The following OGA variants were observed in gnomAD, a reference collection of about 807,000 sequenced individuals.
OGA encodes the protein O-GlcNAcase.
OGA carries 21 observed loss-of-function variants against 102.0 expected under a neutral mutation model. That is an observed-to-expected ratio of 0.21 (90% CI 0.15 to 0.30). The LOEUF (loss-of-function observed/expected upper bound fraction) is 0.30. OGA is among the 10% of genes least tolerant of loss of function. The pLI is 1.00. For synonymous variants in OGA, 408 were observed against 378.2 expected (o/e 1.08, Z -0.91); for missense variants, 765 against 1,107.8 (o/e 0.69, Z 4.39).
chr10:101,817,386 T>C, intron 1 of OGA, among the ~76,000 whole-genome samples: 1 of 152,196 alleles, frequency 6.6e-6, no homozygotes, highest in East Asian at 1.9e-4. Flanking sequence ...AGGCCAAACG[T>C]GCTTCTCTTC....
chr10:101,793,927 C>G lies in OGA; in HGVS notation c.2056G>C (p.Ala686Pro). The change falls in exon 11 of 16, where the codon GCA (alanine) becomes CCA (proline). Residue 686 changes from alanine to proline, a missense_variant. By Grantham distance (27) the Ala-to-Pro change is conservative. Transcript: ENST00000361464. ...QEPWAFRGGL[A>P]GEFQRLLPID... ...CATATTGATACCTGGAACTCTCCTG[C>G]TAGACCACCTCTAAAGGCCCAGGGT... 6.2e-7 allele frequency: 1 copy of G among 1,610,582 alleles called. No homozygotes were observed. The highest frequency in any genetic ancestry group is 8.5e-7 in the Non-Finnish European group (1 of 1,176,862).
At chr10:101,811,278 A>C (rs185046879) in intron 3 of OGA, among the ~76,000 whole-genome samples, 2 of 151,556 alleles carry the variant, frequency 1.3e-5, no homozygotes, top group Non-Finnish European at 1.5e-5. Flanking sequence ...AATCCCAACT[A>C]CTAGGGAGGC....
chr10:101,800,661 G>C (rs1235580070), intron 7 of OGA, among the ~76,000 whole-genome samples: 1 of 151,982 alleles, frequency 6.6e-6, no homozygotes, highest in Non-Finnish European at 1.5e-5. Context: ...ATCAGTGGAA[G>C]AGTCAATCTT....
At position 101,785,900 on chromosome 10, in the gene OGA, G is replaced by C. The variant is rs549062242; in HGVS notation, c.*551C>G. On this transcript the variant is annotated 3_prime_UTR_variant, in exon 16 of 16. Coordinates refer to ENST00000361464, the MANE Select transcript of OGA (RefSeq NM_012215.5). ...GTCATTACAGGAGACAATTGGCCAC[G>C]GCTTTACAAAAAGCAGAATAACTGC... is the stretch of plus-strand genomic sequence containing the variant. The C allele has an allele frequency of 1.3e-5, 2 of 152,156 alleles. No individual in the cohort carries two copies. The highest frequency in any genetic ancestry group is 4.8e-5 in the African/African-American group (2 of 41,414). The allele number at this position is 152,156 out of a possible 1,614,324, so 9.4% of individuals were successfully genotyped here.
rs1354369673 is a variant in OGA, at chr10:101,793,893, T to C, written c.2070+20A>G. 1 of 1,532,052 alleles carries C rather than the reference T, an allele frequency of 6.5e-7. No homozygotes were observed. The highest frequency in any genetic ancestry group is 1.7e-5 in the Admixed American group (1 of 59,724). The allele number at this position is 1,532,052 out of a possible 1,614,324, so 94.9% of individuals were successfully genotyped here. ...TAAAACAAAGAAAATGTCAATTCAG[T>C]TGTGAATTCATATTGATACCTGGAA... is the stretch of plus-strand genomic sequence containing the variant. On this transcript the variant is annotated intron_variant, in intron 11 of 15. Coordinates refer to ENST00000361464, the MANE Select transcript of OGA (RefSeq NM_012215.5).
At chr10:101,812,808 G>A in intron 3 of OGA, 1 of 614,430 alleles carries the variant, frequency 1.6e-6, no homozygotes, top group South Asian at 1.5e-5. Flanking sequence ...CAGAACAGAT[G>A]GAGTCAGCCT....
Position 101,818,170 on chromosome 10 carries a change from C to T in OGA, c.-148G>A, listed in dbSNP as rs1398373276. The T allele has an allele frequency of 7.3e-7, 1 of 1,360,608 alleles. No individual in the cohort carries two copies. The highest frequency in any genetic ancestry group is 3.0e-5 in the East Asian group (1 of 33,292). 84.3% of individuals were successfully genotyped at this position (1,360,608 alleles called of 1,614,324 possible). A position where few individuals can be genotyped will look rare whatever the true frequency, so the allele number is the denominator to read the frequency against. ...TCCCCCTCTGCCCTTCCCCCTCCCT[C>T]TCCGCAGGGACCCGAATGCCCGGAT... On this transcript the variant is annotated 5_prime_UTR_variant, in exon 1 of 16. Coordinates refer to ENST00000361464, the MANE Select transcript of OGA (RefSeq NM_012215.5).
chr10:101,787,007 A>T (rs2065198072), intron 15 of OGA, among the ~76,000 whole-genome samples: 1 of 151,084 alleles, frequency 6.6e-6, no homozygotes, highest in Non-Finnish European at 1.5e-5. Flanking sequence ...TCGGCCTCCC[A>T]AAGTGCTGCG....
At chr10:101,804,881 A>T (rs892837671) in intron 6 of OGA, among the ~76,000 whole-genome samples, 1 of 152,160 alleles carries the variant, frequency 6.6e-6, no homozygotes, top group African/African-American at 2.4e-5. Flanking sequence ...ACAGGCACGA[A>T]CCAATGCACC....
At chr10:101,801,558 T>C (rs1166464012) in intron 7 of OGA, among the ~76,000 whole-genome samples, 1 of 152,208 alleles carries the variant, frequency 6.6e-6, no homozygotes, top group Non-Finnish European at 1.5e-5. Flanking sequence ...TTCCTACGTA[T>C]GTCCCAGGTT....
intron 10 of OGA, 105 bp from the exon 11 acceptor site, chr10:101,794,103 C>T (rs2065289485): frequency 2.7e-6 from 2 of 745,046 alleles, no homozygotes. Context: ...AACTCTCTAA[C>T]AATAATCAGG....
chr10:101,817,146 T>TG (rs1258406357), intron 1 of OGA, among the ~76,000 whole-genome samples: 1 of 152,162 alleles, frequency 6.6e-6, no homozygotes, highest in African/African-American at 2.4e-5. Flanking sequence ...CGACTGTAAA[T>TG]GGGAAAAAAG....
intron 4 of OGA, among the ~76,000 whole-genome samples, chr10:101,809,052 A>G (rs1204026346): frequency 1.3e-5 from 2 of 152,110 alleles, no homozygotes; most frequent in African/African-American, 4.8e-5. Flanking sequence ...TTTACACTCA[A>G]TTAGGTTCAC....
chr10:101,796,546 C>T (rs980202433), intron 10 of OGA, among the ~76,000 whole-genome samples: 2 of 151,770 alleles, frequency 1.3e-5, no homozygotes, highest in Non-Finnish European at 2.9e-5. Context: ...AGGTTTGAGC[C>T]GCTGCGCACG....
intron 7 of OGA, among the ~76,000 whole-genome samples, chr10:101,801,800 C>T (rs1294517991): frequency 6.6e-6 from 1 of 152,198 alleles, no homozygotes; most frequent in Non-Finnish European, 1.5e-5. Context: ...TTACTACATA[C>T]TATCATGACA....
intron 9 of OGA, 22 bp downstream of exon 9, chr10:101,798,820 C>A (rs2065353004): frequency 6.3e-7 from 1 of 1,596,556 alleles, no homozygotes; most frequent in Non-Finnish European, 8.5e-7. Flanking sequence ...GCTTCAGCAG[C>A]AGGTACATTA....
Position 101,818,296 on chromosome 10 carries a change from C to T in OGA, c.-274G>A, listed in dbSNP as rs932784755. The T allele has an allele frequency of 2.4e-6, 3 of 1,235,376 alleles. No individual in the cohort carries two copies. The highest frequency in any genetic ancestry group is 3.0e-6 in the Non-Finnish European group (3 of 984,916). 76.5% of individuals were successfully genotyped at this position (1,235,376 alleles called of 1,614,324 possible). A position where few individuals can be genotyped will look rare whatever the true frequency, so the allele number is the denominator to read the frequency against. On this transcript the variant is annotated 5_prime_UTR_variant, in exon 1 of 16. Transcript: ENST00000361464. Reference sequence around the variant, plus strand: ...AGCGGAGAGCGAGGCTGTGACCTCTCGTTCCCTGGAAGAAGACGGCCAAGG... The same window carrying T: ...AGCGGAGAGCGAGGCTGTGACCTCTTGTTCCCTGGAAGAAGACGGCCAAGG...
chr10:101,809,716 A>AC (rs201623640), intron 4 of OGA, among the ~76,000 whole-genome samples: 7,064 of 150,348 alleles, frequency 0.047, 199 homozygotes, highest in Middle Eastern at 0.092. Context: ...AAAAAAAAAA[A>AC]AAAAGAAAAA....
intron 13 of OGA, 123 bp from the exon 14 acceptor site, chr10:101,791,211 T>C: frequency 8.2e-7 from 1 of 1,219,948 alleles, no homozygotes; most frequent in Non-Finnish European, 1.1e-6. Context: ...TGTAAGAAAC[T>C]AGAAATGCAC....
Sources: gnomAD v4.1 joint callset for allele counts (sites outside exome capture counted in the v4.1 genomes callset) on GRCh38, gnomAD v4.1.1 for gene constraint, MANE v1.5 for transcripts, NCBI Gene and HGNC (gene_info 2026-07-23, HGNC 2026-07-21) for gene names.